Variants in IMMP1L observed in about 807,000 individuals in gnomAD.
The protein encoded by IMMP1L is inner mitochondrial membrane peptidase subunit 1, also known as mitochondrial inner membrane protease subunit 1.
A neutral mutation model predicts 21.8 loss-of-function variants in IMMP1L; 24 were observed. The ratio of observed to expected loss-of-function variants is 1.10; its 90% CI spans 0.80 to 1.55. The LOEUF is 1.55. IMMP1L is among the 40% of genes most tolerant of loss of function. IMMP1L has a pLI of 0.00. For synonymous variants in IMMP1L, 46 were observed against 62.8 expected (o/e 0.73, Z 1.26); for missense variants, 195 against 200.7 (o/e 0.97, Z 0.17).
At chr11:31,501,914 G>T (rs1955630545) in intron 1 of IMMP1L, among the ~76,000 whole-genome samples, 1 of 151,782 alleles carries the variant, frequency 6.6e-6, no homozygotes, top group Non-Finnish European at 1.5e-5. Context: ...GGAGGTGGAG[G>T]TTACAGTGAG....
At chr11:31,487,733 C>G (rs892867671) in intron 1 of IMMP1L, among the ~76,000 whole-genome samples, 5 of 151,744 alleles carry the variant, frequency 3.3e-5, no homozygotes, top group African/African-American at 1.2e-4. Context: ...ACAAAAAAAC[C>G]CTACACAATT....
At chr11:31,460,789 A>C (rs1954116224) in intron 2 of IMMP1L, 75 bp from the exon 3 acceptor site, 1 of 1,052,832 alleles carries the variant, frequency 9.5e-7, no homozygotes, top group African/African-American at 1.6e-5. Context: ...AAGCAAGCTT[A>C]AAAGAAAGAA....
At chr11:31,474,069 A>G (rs1038715527) in intron 1 of IMMP1L, among the ~76,000 whole-genome samples, 2 of 152,194 alleles carry the variant, frequency 1.3e-5, no homozygotes, top group Non-Finnish European at 2.9e-5. Flanking sequence ...AGGGAAGGAG[A>G]AAACAAATTA....
At chr11:31,443,952 C>G (rs952472191) in intron 4 of IMMP1L, among the ~76,000 whole-genome samples, 2 of 152,166 alleles carry the variant, frequency 1.3e-5, no homozygotes, top group African/African-American at 4.8e-5. Flanking sequence ...AAAGCTTAGT[C>G]TAAGGCTTGA....
intron 3 of IMMP1L, among the ~76,000 whole-genome samples, chr11:31,458,541 A>C (rs2133644394): frequency 6.6e-6 from 1 of 152,236 alleles, no homozygotes; most frequent in East Asian, 1.9e-4. Flanking sequence ...GCAAACTTTT[A>C]TTCTTGCCTA....
At chr11:31,498,485 C>T (rs1405613871) in intron 1 of IMMP1L, among the ~76,000 whole-genome samples, 1 of 152,140 alleles carries the variant, frequency 6.6e-6, no homozygotes, top group Non-Finnish European at 1.5e-5. Flanking sequence ...CTCCCAGCTA[C>T]CTATATTCCA....
intron 4 of IMMP1L, among the ~76,000 whole-genome samples, chr11:31,447,490 T>C (rs1322535126): frequency 2.0e-5 from 3 of 152,238 alleles, no homozygotes; most frequent in East Asian, 3.9e-4. Flanking sequence ...TCATACATAA[T>C]GTACACAAAG....
At chr11:31,452,369 T>C (rs1953785082) in intron 4 of IMMP1L, 1 of 985,364 alleles carries the variant, frequency 1.0e-6, no homozygotes, top group Non-Finnish European at 1.2e-6. Context: ...ATAACAAAAT[T>C]ATAGTGTATT....
At position 31,478,363 on chromosome 11, in the gene IMMP1L, A is replaced by C. The variant is rs184324745; in HGVS notation, c.-29-15058T>G. Among the ~76,000 whole-genome samples the C allele has an allele frequency of 9.9e-4, 150 of 152,280 alleles. 1 individual carries two copies. The highest frequency in any genetic ancestry group is 3.4e-3 in the African/African-American group (141 of 41,578). ...GATAGCACAAATGTTATTCTTTTTT[A>C]TTCTGTGCTTCTATAACAATCATGC... On this transcript the variant is annotated intron_variant, in intron 1 of 5. Transcript: ENST00000532287.
chr11:31,433,794 A>G (rs1235916534), intron 4 of IMMP1L: 1 of 376,528 alleles, frequency 2.7e-6, no homozygotes, highest in African/African-American at 2.1e-5. Flanking sequence ...TTTTTTTGTC[A>G]TATGGTTCCC....
chr11:31,453,911 G>A (rs547758825), intron 4 of IMMP1L, among the ~76,000 whole-genome samples: 3 of 152,238 alleles, frequency 2.0e-5, no homozygotes, highest in South Asian at 2.1e-4. Flanking sequence ...TAGTGGCATC[G>A]TGAGGGTTAC....
intron 3 of IMMP1L, among the ~76,000 whole-genome samples, chr11:31,457,244 A>G (rs1419728423): frequency 2.0e-5 from 3 of 152,170 alleles, no homozygotes; most frequent in African/African-American, 7.2e-5. Flanking sequence ...TCAAACATAT[A>G]AAACCAATAA....
intron 1 of IMMP1L, among the ~76,000 whole-genome samples, chr11:31,473,321 T>C (rs981073024): frequency 6.6e-5 from 10 of 152,190 alleles, no homozygotes; most frequent in African/African-American, 9.6e-5. Flanking sequence ...AGTGCTGGGA[T>C]TACAGGCATG....
intron 1 of IMMP1L, among the ~76,000 whole-genome samples, chr11:31,487,085 CA>C (rs757978008): frequency 1.3e-5 from 2 of 151,478 alleles, no homozygotes; most frequent in African/African-American, 4.8e-5. Context: ...TATTTTACAA[CA>C]AAAAGTTATA....
intron 1 of IMMP1L, among the ~76,000 whole-genome samples, chr11:31,482,688 G>C (rs915585201): frequency 6.6e-6 from 1 of 151,866 alleles, no homozygotes; most frequent in Non-Finnish European, 1.5e-5. Context: ...TGAAAAAGAT[G>C]GGGGGAAAAA....
intron 1 of IMMP1L, among the ~76,000 whole-genome samples, chr11:31,487,032 AT>A (rs1368528237): frequency 4.6e-5 from 7 of 151,596 alleles, no homozygotes; most frequent in African/African-American, 1.7e-4. Flanking sequence ...TATTTAATTT[AT>A]AATTATTCAT....
chr11:31,441,653 T>C (rs1004301616), intron 4 of IMMP1L, among the ~76,000 whole-genome samples: 1 of 152,082 alleles, frequency 6.6e-6, no homozygotes, highest in Non-Finnish European at 1.5e-5. Flanking sequence ...TGTCAGTAAG[T>C]TGAAAATTCA....
intron 3 of IMMP1L, 110 bp downstream of exon 3, chr11:31,460,516 T>C (rs1283156567): frequency 3.7e-5 from 23 of 625,140 alleles, no homozygotes; most frequent in Non-Finnish European, 6.5e-5. Context: ...GTTATTAATA[T>C]GTTTATTTAT....
chr11:31,481,232 T>C (rs1221055415), intron 1 of IMMP1L, among the ~76,000 whole-genome samples: 1 of 152,148 alleles, frequency 6.6e-6, no homozygotes, highest in East Asian at 1.9e-4. Flanking sequence ...TAAAGCGATA[T>C]GATCTATTGT....
Sources: gnomAD v4.1 joint callset for allele counts (sites outside exome capture counted in the v4.1 genomes callset) on GRCh38, gnomAD v4.1.1 for gene constraint, MANE v1.5 for transcripts, NCBI Gene and HGNC (gene_info 2026-07-23, HGNC 2026-07-21) for gene names.